The following SMIM10L3 variants were observed in gnomAD, a reference collection of about 807,000 sequenced individuals.
SMIM10L3 encodes small integral membrane protein 10 like 3, also known as salivary gland specific protein SAGSIN1.
At chr7:6,344,745 T>C in the SMIM10L3 span, among the ~76,000 whole-genome samples, 5 of 151,910 alleles carry the variant, frequency 3.3e-5, no homozygotes, top group Non-Finnish European at 7.4e-5. Flanking sequence ...TTAAATTTTA[T>C]TATTATTTTT....
chr7:6,344,773 C>G, the SMIM10L3 span, among the ~76,000 whole-genome samples: 1 of 152,106 alleles, frequency 6.6e-6, no homozygotes, highest in East Asian at 1.9e-4. Flanking sequence ...CGGAGTCTCA[C>G]TGTGTTGCCC....
At chr7:6,341,385 T>G in the SMIM10L3 span, among the ~76,000 whole-genome samples, 1 of 150,298 alleles carries the variant, frequency 6.7e-6, no homozygotes, top group South Asian at 2.1e-4. Context: ...GAGCTTGCAG[T>G]GAGCGGAGAT....
At chr7:6,339,533 G>C in the SMIM10L3 span, among the ~76,000 whole-genome samples, 3,211 of 151,972 alleles carry the variant, frequency 0.021, 124 homozygotes, top group African/African-American at 0.074. Flanking sequence ...GCCCAGGCTG[G>C]AGTGCAGTGG....
the SMIM10L3 span, among the ~76,000 whole-genome samples, chr7:6,334,048 A>T: frequency 6.0e-5 from 9 of 149,720 alleles, no homozygotes; most frequent in Non-Finnish European, 1.0e-4. Context: ...GGGTTTCACC[A>T]TGTTAGCCAG....
chr7:6,335,824 C>T, the SMIM10L3 span, among the ~76,000 whole-genome samples: 1 of 152,022 alleles, frequency 6.6e-6, no homozygotes, highest in Non-Finnish European at 1.5e-5. Flanking sequence ...GGCTTGAGCC[C>T]AGGGGTGTGA....
the SMIM10L3 span, among the ~76,000 whole-genome samples, chr7:6,341,719 C>T: frequency 6.6e-6 from 1 of 151,220 alleles, no homozygotes; most frequent in Non-Finnish European, 1.5e-5. Context: ...GAGTGCGCGC[C>T]AGGTGCAGTG....
At chr7:6,331,411 C>A in the SMIM10L3 span, among the ~76,000 whole-genome samples, 2 of 152,232 alleles carry the variant, frequency 1.3e-5, no homozygotes, top group Non-Finnish European at 2.9e-5. Flanking sequence ...GATCCACCCA[C>A]CTCAGCGTCC....
the SMIM10L3 span, among the ~76,000 whole-genome samples, chr7:6,344,563 C>T: frequency 6.6e-6 from 1 of 152,034 alleles, no homozygotes; most frequent in East Asian, 1.9e-4. Context: ...GGACTATAGG[C>T]ATGCACCACC....
chr7:6,337,264 T>A, the SMIM10L3 span, among the ~76,000 whole-genome samples: 3 of 152,046 alleles, frequency 2.0e-5, no homozygotes. Context: ...TTCTCCCCTT[T>A]GGGACTAGCC....
At chr7:6,341,116 C>G in the SMIM10L3 span, among the ~76,000 whole-genome samples, 1 of 149,854 alleles carries the variant, frequency 6.7e-6, no homozygotes, top group African/African-American at 2.5e-5. Flanking sequence ...TGCACTCCAG[C>G]CTGGGCGACA....
the SMIM10L3 span, among the ~76,000 whole-genome samples, chr7:6,335,623 T>C: frequency 2.0e-5 from 3 of 152,342 alleles, no homozygotes; most frequent in South Asian, 6.2e-4. Context: ...ATAATATGTA[T>C]CATATTCTGA....
At chr7:6,348,237 G>A in the SMIM10L3 span, among the ~76,000 whole-genome samples, 7 of 151,162 alleles carry the variant, frequency 4.6e-5, no homozygotes, top group African/African-American at 1.7e-4. Context: ...AAATAAGGGG[G>A]GGGGTTGCAA....
the SMIM10L3 span, among the ~76,000 whole-genome samples, chr7:6,343,397 CATATATATATATATATAT>C: frequency 0.094 from 8,182 of 86,944 alleles, 464 homozygotes; most frequent in South Asian, 0.16. Context: ...ATAATAATTT[CATATATATATATATATAT>C]ATATATATAT....
chr7:6,346,412 G>T, the SMIM10L3 span, among the ~76,000 whole-genome samples: 1 of 152,226 alleles, frequency 6.6e-6, no homozygotes, highest in East Asian at 1.9e-4. Flanking sequence ...TGTCGCCCAG[G>T]CTGGAGTGCA....
chr7:6,334,047 C>T, the SMIM10L3 span, among the ~76,000 whole-genome samples: 9 of 150,964 alleles, frequency 6.0e-5, no homozygotes, highest in Non-Finnish European at 1.2e-4. Context: ...GGGGTTTCAC[C>T]ATGTTAGCCA....
chr7:6,347,883 TTTATTA>T, the SMIM10L3 span, among the ~76,000 whole-genome samples: 31,991 of 131,328 alleles, frequency 0.24, 4,039 homozygotes, highest in East Asian at 0.47. Flanking sequence ...ACGAGACCCC[TTTATTA>T]TTATTATTAT....
chr7:6,341,268 C>A, the SMIM10L3 span, among the ~76,000 whole-genome samples: 2 of 150,672 alleles, frequency 1.3e-5, no homozygotes, highest in African/African-American at 4.9e-5. Context: ...CACGGTGAAA[C>A]CCCATCTCTA....
chr7:6,332,143 T>G, the SMIM10L3 span, among the ~76,000 whole-genome samples: 1 of 151,198 alleles, frequency 6.6e-6, no homozygotes, highest in Non-Finnish European at 1.5e-5. Flanking sequence ...GCGAAAAGGC[T>G]TTGAAATGAA....
chr7:6,343,613 T>C, the SMIM10L3 span, among the ~76,000 whole-genome samples: 1 of 151,846 alleles, frequency 6.6e-6, no homozygotes, highest in East Asian at 1.9e-4. Flanking sequence ...TTTCAGATTC[T>C]GTATAAATAA....
Sources: allele counts gnomAD v4.1 joint callset (sites outside exome capture counted in the v4.1 genomes callset), GRCh38; gene constraint gnomAD v4.1.1; transcripts MANE v1.5; gene names NCBI Gene and HGNC (gene_info 2026-07-23, HGNC 2026-07-21).